Variants in MACROD2 observed in about 807,000 individuals in gnomAD.
The protein encoded by MACROD2 is mono-ADP ribosylhydrolase 2.
Under a neutral mutation model 70.4 loss-of-function variants are expected in MACROD2, and 36 were observed. The ratio of observed to expected loss-of-function variants is 0.51; its 90% confidence interval spans 0.39 to 0.68. MACROD2 has a LOEUF of 0.68. Ranked by LOEUF, MACROD2 falls within the 30% of genes least tolerant of loss-of-function variation. The pLI, the probability that MACROD2 is intolerant of heterozygous loss-of-function variation, is 0.00. For missense variants in MACROD2, 496 were observed against 538.4 expected (o/e 0.92, Z 0.78); for synonymous variants, 172 against 178.8 (o/e 0.96, Z 0.30).
At chr20:14,800,984 G>C (rs1057045599) in intron 5 of MACROD2, among the ~76,000 whole-genome samples, 1 of 152,100 alleles carries the variant, frequency 6.6e-6, no homozygotes, top group Admixed American at 6.6e-5. Context: ...AATTTAGCTT[G>C]ACAACACACA....
intron 4 of MACROD2, among the ~76,000 whole-genome samples, chr20:14,652,061 G>T (rs370959895): frequency 6.6e-6 from 1 of 152,062 alleles, no homozygotes; most frequent in African/African-American, 2.4e-5. Flanking sequence ...TCAAGGCAGG[G>T]CAAAGAGATA....
In MACROD2 at chr20:14,847,540, A is replaced by T. The variant is rs948532771; in HGVS notation, c.418+162581A>T. Among the ~76,000 whole-genome samples, 59 of 149,238 alleles carry T rather than the reference A, an allele frequency of 4.0e-4. 1 individual carries two copies. The highest frequency in any genetic ancestry group is 3.4e-3 in the Middle Eastern group (1 of 292). ...CAGAGCAGTACAATGCAACACACAG[A>T]AGCATAATGTTGAATTTTCATAATA... On this transcript the variant is annotated intron_variant, in intron 5 of 17. Transcript: ENST00000684519.
At chr20:14,926,376 C>T (rs1045075692) in intron 5 of MACROD2, among the ~76,000 whole-genome samples, 3 of 151,818 alleles carry the variant, frequency 2.0e-5, no homozygotes, top group East Asian at 1.9e-4. Context: ...GGTGAATCCC[C>T]GTCTCTACTA....
At chr20:14,031,146 CTCTTTAATGTTTCA>C (rs1278159922) in intron 2 of MACROD2, among the ~76,000 whole-genome samples, 1 of 152,166 alleles carries the variant, frequency 6.6e-6, no homozygotes, top group Non-Finnish European at 1.5e-5. Flanking sequence ...CTAAATATGA[CTCTTTAATGTTTCA>C]TAAAACATGT....
chr20:14,960,247 C>T (rs1241874896), intron 5 of MACROD2, among the ~76,000 whole-genome samples: 1 of 152,130 alleles, frequency 6.6e-6, no homozygotes, highest in African/African-American at 2.4e-5. Flanking sequence ...CAGTTCACAC[C>T]CTTCATTATT....
intron 3 of MACROD2, among the ~76,000 whole-genome samples, chr20:14,378,000 T>G (rs1342573964): frequency 6.6e-6 from 1 of 151,956 alleles, no homozygotes; most frequent in Non-Finnish European, 1.5e-5. Flanking sequence ...GTACCTGCAG[T>G]GAAATAATTT....
At chr20:14,922,545 A>G (rs1212858112) in intron 5 of MACROD2, among the ~76,000 whole-genome samples, 1 of 152,200 alleles carries the variant, frequency 6.6e-6, no homozygotes, top group African/African-American at 2.4e-5. Context: ...ATACTGCTGG[A>G]CAGAAATTTG....
intron 8 of MACROD2, among the ~76,000 whole-genome samples, chr20:15,566,922 A>C (rs1443831251): frequency 6.6e-6 from 1 of 152,196 alleles, no homozygotes; most frequent in Non-Finnish European, 1.5e-5. Context: ...AAAACTAACT[A>C]TACCCTGTAT....
rs556154683 is a variant in MACROD2 at position 14,538,639 on chromosome 20, C to T, written c.301+45131C>T. Among the ~76,000 whole-genome samples the T allele has an allele frequency of 5.4e-4, 82 of 152,204 alleles. 2 individuals carry two copies. In the South Asian group the frequency reaches 0.014, roughly 27 times the overall value. ...ACACCGGCCTTCTTTCTATTCCAGG[C>T]GCATAAGGAACTGATACCCACCTCA... On this transcript the variant is annotated intron_variant, in intron 4 of 17. Coordinates refer to ENST00000684519, the MANE Select transcript of MACROD2 (RefSeq NM_001351661.2).
Position 14,138,939 on chromosome 20 carries a change from G to A in MACROD2, c.271+53211G>A, listed in dbSNP as rs566178933. 3.0e-3 allele frequency among the ~76,000 whole-genome samples: 455 copies of A among 151,948 alleles called. 2 individuals are homozygous for A. The highest frequency in any genetic ancestry group is 0.01 in the African/African-American group (428 of 41,410). The stretch of plus-strand genomic sequence containing the variant: ...TATTTGTCAATTATACGTCAATAAA[G>A]CTATAAAAACTTTTCTGTTCTGAAG... On this transcript the variant is annotated intron_variant, in intron 3 of 17. Coordinates refer to ENST00000684519, the MANE Select transcript of MACROD2 (RefSeq NM_001351661.2).
At chr20:14,491,142 A>G (rs1024629700) in intron 3 of MACROD2, among the ~76,000 whole-genome samples, 1 of 152,208 alleles carries the variant, frequency 6.6e-6, no homozygotes, top group Non-Finnish European at 1.5e-5. Context: ...ATGTTGGATA[A>G]CCAGTTATTG....
At chr20:15,657,004 G>C (rs2049741331) in intron 8 of MACROD2, among the ~76,000 whole-genome samples, 3 of 151,812 alleles carry the variant, frequency 2.0e-5, no homozygotes, top group African/African-American at 7.3e-5. Context: ...TCAATTGCTT[G>C]GTTTCCATGC....
At chr20:15,049,028 T>G (rs929350922) in intron 5 of MACROD2, among the ~76,000 whole-genome samples, 1 of 152,118 alleles carries the variant, frequency 6.6e-6, no homozygotes, top group African/African-American at 2.4e-5. Context: ...AAAATTTTTC[T>G]TTGAAAAAAT....
intron 6 of MACROD2, among the ~76,000 whole-genome samples, chr20:15,314,152 G>C (rs2077783582): frequency 6.6e-6 from 1 of 152,144 alleles, no homozygotes; most frequent in South Asian, 2.1e-4. Context: ...GGTGGAAAAA[G>C]TAGTTTCAAG....
intron 5 of MACROD2, among the ~76,000 whole-genome samples, chr20:14,772,528 A>T (rs1175917088): frequency 6.6e-6 from 1 of 151,878 alleles, no homozygotes; most frequent in Non-Finnish European, 1.5e-5. Flanking sequence ...AAACCATCAG[A>T]TCTCCTGAGA....
rs561114503 is a variant in MACROD2 at position 15,464,175 on chromosome 20, G to A, written c.571+32740G>A. 1.4e-4 allele frequency among the ~76,000 whole-genome samples: 21 copies of A among 152,246 alleles called. No homozygotes were observed. The South Asian group carries it at 1.9e-3, about 14-fold the overall frequency. On this transcript the variant is annotated intron_variant, in intron 7 of 17. Transcript: ENST00000684519. ...GCAATCCGCATGCGCCACCATGCCTGGCTAATTTTTAAATTTTTTGGTAGA... is the reference window on the plus strand; with the variant it reads ...GCAATCCGCATGCGCCACCATGCCTAGCTAATTTTTAAATTTTTTGGTAGA...
chr20:14,861,740 A>G (rs420561), intron 5 of MACROD2, among the ~76,000 whole-genome samples: 129,275 of 150,028 alleles, frequency 0.86, 56,077 homozygotes, highest in African/African-American at 0.91. Flanking sequence ...CACTCATGCC[A>G]TCTTGGCATT....
intron 7 of MACROD2, among the ~76,000 whole-genome samples, chr20:15,467,363 A>G (rs2046907235): frequency 1.3e-5 from 2 of 152,230 alleles, no homozygotes; most frequent in Admixed American, 1.3e-4. Context: ...TTATCCTCCA[A>G]ATAAATTACT....
chr20:14,027,770 T>A (rs2053191754), intron 2 of MACROD2, among the ~76,000 whole-genome samples: 1 of 152,214 alleles, frequency 6.6e-6, no homozygotes. Context: ...TTGCTGCCTG[T>A]TCCTTCCTCT....
Sources: allele counts gnomAD v4.1 joint callset (sites outside exome capture counted in the v4.1 genomes callset), GRCh38; gene constraint gnomAD v4.1.1; transcripts MANE v1.5; gene names NCBI Gene and HGNC (gene_info 2026-07-23, HGNC 2026-07-21).